The following CKMT2 variants were observed in gnomAD, a reference collection of about 807,000 sequenced individuals.
CKMT2 encodes the protein creatine kinase, mitochondrial 2, also known as creatine kinase S-type, mitochondrial.
In CKMT2, 43 loss-of-function variants were observed where a neutral mutation model predicts 48.9. The ratio of observed to expected loss-of-function variants is 0.88; its 90% CI spans 0.69 to 1.13. CKMT2 has a LOEUF of 1.13. CKMT2 is among the 50% of genes most tolerant of loss of function. CKMT2 has a pLI of 0.00. For synonymous variants in CKMT2, 206 were observed against 213.0 expected, an observed-to-expected ratio of 0.97 and a Z score of 0.29; for missense variants, 472 against 555.4, an observed-to-expected ratio of 0.85 and a Z score of 1.51.
chr5:81,250,155 T>G (rs192525931), intron 1 of CKMT2, among the ~76,000 whole-genome samples: 82 of 152,340 alleles, frequency 5.4e-4, no homozygotes, highest in Admixed American at 9.8e-4. Flanking sequence ...CATTTTCTCA[T>G]TTCTCTGTGC....
intron 8 of CKMT2, 99 bp from the exon 9 acceptor site, chr5:81,263,392 C>A: frequency 1.9e-6 from 1 of 527,850 alleles, no homozygotes; most frequent in Non-Finnish European, 2.9e-6. Context: ...AAAAGTTAAA[C>A]TGTTATCTCT....
intron 5 of CKMT2, among the ~76,000 whole-genome samples, chr5:81,255,739 C>T (rs1169960320): frequency 6.7e-6 from 1 of 148,964 alleles, no homozygotes; most frequent in Non-Finnish European, 1.5e-5. Flanking sequence ...CCAGGGTGCA[C>T]AAAACTCAAG....
At position 81,254,476 on chromosome 5, in the gene CKMT2, T is replaced by C. The variant is rs1198026884; in HGVS notation, c.432T>C (p.Asp144=). Residue 144 remains aspartate, a synonymous_variant, in exon 4 of 10, where the codon GAT becomes GAC. Coordinates refer to ENST00000254035, the MANE Select transcript of CKMT2 (RefSeq NM_001099735.2). ...YDPRVMKHTT[D]LDASKITQGQ... ...CCAGGGTGATGAAGCACACAACGGATCTGGATGCATCAAAGGTAGGCTCCA... is the reference window on the plus strand; with the variant it reads ...CCAGGGTGATGAAGCACACAACGGACCTGGATGCATCAAAGGTAGGCTCCA... 38 of 1,613,938 alleles carry C rather than the reference T, an allele frequency of 2.4e-5. No individual in the cohort carries two copies. In the East Asian group the frequency reaches 8.2e-4, roughly 35 times the overall value.
Position 81,266,224 on chromosome 5 carries a change from T to A in CKMT2, c.1226T>A (p.Val409Glu). The A allele has an allele frequency of 6.2e-7, 1 of 1,613,382 alleles. No homozygotes were observed. The change falls in exon 10 of 10, where the codon GTG becomes GAG. Residue 409 changes from valine to glutamate, a missense_variant. Transcript: ENST00000254035. The part of the protein sequence containing the change: ...KKLERGQDIK[V>E]PPPLPQFGKK ...TTGGAGAGAGGCCAAGATATTAAGG[T>A]GCCACCCCCTCTGCCTCAGTTTGGC... is the stretch of plus-strand genomic sequence containing the variant.
At chr5:81,255,713 C>T (rs533386684) in intron 5 of CKMT2, among the ~76,000 whole-genome samples, 2 of 152,140 alleles carry the variant, frequency 1.3e-5, no homozygotes, top group South Asian at 2.1e-4. Flanking sequence ...ATGTCTACCA[C>T]GGCTTCCCTC....
chr5:81,265,110 A>G (rs532998691), intron 9 of CKMT2, among the ~76,000 whole-genome samples: 8 of 152,276 alleles, frequency 5.3e-5, no homozygotes, highest in Non-Finnish European at 1.2e-4. Flanking sequence ...CTTCTAGAAA[A>G]GGAATTCCTG....
chr5:81,242,775 G>C (rs1756480830), intron 1 of CKMT2, among the ~76,000 whole-genome samples: 1 of 152,318 alleles, frequency 6.6e-6, no homozygotes, highest in South Asian at 2.1e-4. Flanking sequence ...TCCAAAATGA[G>C]TTAAGAGCTA....
At chr5:81,260,671 G>C (rs903909313) in intron 8 of CKMT2, among the ~76,000 whole-genome samples, 9 of 152,158 alleles carry the variant, frequency 5.9e-5, no homozygotes, top group African/African-American at 2.2e-4. Context: ...CCAGGAAGAA[G>C]TCAAATCTCT....
intron 5 of CKMT2, 40 bp downstream of exon 5, chr5:81,255,254 A>G: frequency 6.4e-7 from 1 of 1,571,964 alleles, no homozygotes; most frequent in Non-Finnish European, 8.7e-7. Flanking sequence ...GGACTGGACC[A>G]AGGGCTCTGA....
chr5:81,237,504 G>A (rs1329675083), intron 1 of CKMT2: 2 of 137,254 alleles, frequency 1.5e-5, no homozygotes, highest in Non-Finnish European at 3.2e-5. Flanking sequence ...CACTCTTGGA[G>A]AGACTCATTC....
rs201982809 is a variant in CKMT2, at chr5:81,257,656, C to A, written c.756-77C>A. On this transcript the variant is annotated intron_variant, in intron 6 of 9. Transcript: ENST00000254035. ...AGGAAGGTGAAATGAAGCAATCAAG[C>A]TAGGGAGGTAATGGGAATTTTCATG... 5.2e-6 allele frequency: 7 copies of A among 1,340,730 alleles called. No individual in the cohort carries two copies. The South Asian group carries it at 8.1e-5, about 16-fold the overall frequency. 83.1% of individuals were successfully genotyped at this position (1,340,730 alleles called of 1,614,324 possible).
chr5:81,248,225 G>A (rs1756677276), intron 1 of CKMT2, among the ~76,000 whole-genome samples: 1 of 152,178 alleles, frequency 6.6e-6, no homozygotes, highest in Admixed American at 6.5e-5. Flanking sequence ...GAAAAATAGG[G>A]ACCAGGACAT....
chr5:81,264,821 A>G (rs1343351846), intron 9 of CKMT2, among the ~76,000 whole-genome samples: 1 of 152,184 alleles, frequency 6.6e-6, no homozygotes, highest in African/African-American at 2.4e-5. Flanking sequence ...CATTGTGAAC[A>G]TTATTCTAAA....
At chr5:81,250,966 C>A (rs1426205662) in intron 1 of CKMT2, 147 bp from the exon 2 acceptor site, 1 of 644,228 alleles carries the variant, frequency 1.6e-6, no homozygotes, top group Non-Finnish European at 2.7e-6. Flanking sequence ...CACACACACA[C>A]ACACACACAC....
At chr5:81,241,960 A>G (rs905024030) in intron 1 of CKMT2, among the ~76,000 whole-genome samples, 4 of 70,158 alleles carry the variant, frequency 5.7e-5, no homozygotes, top group African/African-American at 2.0e-4. Context: ...CAGAACCCCT[A>G]AAAAAAAAAA....
At chr5:81,233,785 C>T (rs1756174647) in intron 1 of CKMT2, among the ~76,000 whole-genome samples, 1 of 152,098 alleles carries the variant, frequency 6.6e-6, no homozygotes, top group Admixed American at 6.5e-5. Context: ...GAATGTTTTT[C>T]CCCAGCAGTC....
intron 3 of CKMT2, 34 bp downstream of exon 3, chr5:81,252,927 G>A: frequency 6.2e-7 from 1 of 1,607,966 alleles, no homozygotes; most frequent in Non-Finnish European, 8.5e-7. Context: ...CAGGGTGGGA[G>A]GGATGCTCTG....
At chr5:81,257,698 A>C (rs548371633) in intron 6 of CKMT2, 35 bp from the exon 7 acceptor site, 1 of 1,587,806 alleles carries the variant, frequency 6.3e-7, no homozygotes, top group African/African-American at 1.4e-5. Flanking sequence ...AACAAATGCA[A>C]TTAACACTCA....
chr5:81,256,056 G>C (rs1756997764), intron 5 of CKMT2, among the ~76,000 whole-genome samples: 1 of 152,102 alleles, frequency 6.6e-6, no homozygotes, highest in Non-Finnish European at 1.5e-5. Context: ...CCCACTTAGA[G>C]ACTGCAGGAC....
Sources: allele counts gnomAD v4.1 joint callset (sites outside exome capture counted in the v4.1 genomes callset), GRCh38; gene constraint gnomAD v4.1.1; transcripts MANE v1.5; gene names NCBI Gene and HGNC (gene_info 2026-07-23, HGNC 2026-07-21).